FGF18: variants seen among roughly 807,000 people sequenced by gnomAD.
FGF18 encodes the protein fibroblast growth factor 18.
A neutral mutation model predicts 23.0 loss-of-function variants in FGF18; 5 were observed. That is an observed-to-expected ratio of 0.22 (90% CI 0.11 to 0.46). The LOEUF is 0.46. Ranked by LOEUF, FGF18 falls within the 20% of genes least tolerant of loss-of-function variation. The pLI is 0.99. For missense variants in FGF18, 180 were observed against 291.6 expected, an observed-to-expected ratio of 0.62 and a Z score of 2.79; for synonymous variants, 117 against 118.9, an observed-to-expected ratio of 0.98 and a Z score of 0.10.
intron 2 of FGF18, among the ~76,000 whole-genome samples, chr5:171,431,905 C>T (rs1005288133): frequency 6.6e-5 from 10 of 151,960 alleles, no homozygotes; most frequent in South Asian, 2.1e-4. Flanking sequence ...AAAAATTAGC[C>T]GGTGTGGTGG....
At position 171,450,022 on chromosome 5, in the gene FGF18, T is replaced by C. The variant is rs554499496; in HGVS notation, c.357+769T>C. Among the ~76,000 whole-genome samples the C allele has an allele frequency of 1.2e-4, 18 of 152,026 alleles. 1 individual carries two copies. The South Asian group carries it at 3.3e-3, about 28-fold the overall frequency. Reference sequence around the variant, plus strand: ...ACAGGAGCTCTATGGTAGGGTCAGGTTCTCTGTCCCCTTCTCTCTGCAGGG... The same window carrying C: ...ACAGGAGCTCTATGGTAGGGTCAGGCTCTCTGTCCCCTTCTCTCTGCAGGG... On this transcript the variant is annotated intron_variant, in intron 4 of 4. Transcript: ENST00000274625.
intron 4 of FGF18, among the ~76,000 whole-genome samples, chr5:171,453,042 C>T (rs925107861): frequency 6.6e-6 from 1 of 152,170 alleles, no homozygotes; most frequent in African/African-American, 2.4e-5. Flanking sequence ...TCAAATTCTG[C>T]TACATCATCA....
At chr5:171,423,577 C>T (rs973895243) in intron 2 of FGF18, among the ~76,000 whole-genome samples, 23 of 152,118 alleles carry the variant, frequency 1.5e-4, no homozygotes, top group Admixed American at 9.2e-4. Context: ...CCTCCTGCAG[C>T]GCCACTTCCT....
At chr5:171,446,396 A>C (rs1772420064) in intron 3 of FGF18, among the ~76,000 whole-genome samples, 1 of 152,156 alleles carries the variant, frequency 6.6e-6, no homozygotes, top group African/African-American at 2.4e-5. Flanking sequence ...CCCAGGCCCC[A>C]GTAGAAAGAG....
At chr5:171,446,785 G>A (rs1313747712) in intron 3 of FGF18, among the ~76,000 whole-genome samples, 1 of 152,100 alleles carries the variant, frequency 6.6e-6, no homozygotes, top group Non-Finnish European at 1.5e-5. Context: ...GCTTACTCAA[G>A]GTCACATAGC....
chr5:171,421,271 A>G (rs1450335650), intron 2 of FGF18, among the ~76,000 whole-genome samples: 1 of 152,174 alleles, frequency 6.6e-6, no homozygotes, highest in African/African-American at 2.4e-5. Context: ...AGAAGAGCGA[A>G]AAAGGGAGCC....
chr5:171,449,936 C>T (rs1000426171), intron 4 of FGF18, among the ~76,000 whole-genome samples: 1 of 152,060 alleles, frequency 6.6e-6, no homozygotes, highest in Non-Finnish European at 1.5e-5. Context: ...TTCCTGGGTG[C>T]GCTTGTTTGC....
Position 171,449,260 on chromosome 5 carries a change from G to A in FGF18, c.357+7G>A. ...AGGCAAGCTCGTGGGGAAGGTGAGT[G>A]ATGGTTTGGGATTCCCGGGAACTTC... On this transcript the variant is annotated splice_region_variant and intron_variant, in intron 4 of 4. Transcript: ENST00000274625. The A allele has an allele frequency of 6.2e-7, 1 of 1,606,196 alleles. No individual in the cohort carries two copies. Among genetic ancestry groups the A allele is most frequent in the Non-Finnish European group, 8.5e-7 (1 of 1,172,848 alleles).
At chr5:171,426,290 C>G (rs1581270035) in intron 2 of FGF18, among the ~76,000 whole-genome samples, 2 of 152,260 alleles carry the variant, frequency 1.3e-5, no homozygotes, top group East Asian at 3.9e-4. Flanking sequence ...AGGGCTGCTG[C>G]CTTGTCGTCA....
intron 2 of FGF18, among the ~76,000 whole-genome samples, chr5:171,431,385 C>T (rs1772179747): frequency 6.6e-6 from 1 of 152,056 alleles, no homozygotes; most frequent in Non-Finnish European, 1.5e-5. Context: ...AAGAGCTGCA[C>T]CGGGAGAGGA....
intron 3 of FGF18, among the ~76,000 whole-genome samples, chr5:171,443,031 T>C (rs1772367320): frequency 6.6e-6 from 1 of 152,268 alleles, no homozygotes; most frequent in African/African-American, 2.4e-5. Flanking sequence ...TTAACTGCTC[T>C]ATTAACTTAC....
intron 3 of FGF18, among the ~76,000 whole-genome samples, chr5:171,445,883 G>A (rs550898072): frequency 1.3e-5 from 2 of 152,234 alleles, no homozygotes; most frequent in African/African-American, 2.4e-5. Context: ...GCCTGAGCCC[G>A]GATGAGGTTT....
At chr5:171,421,191 G>A (rs1344000986) in intron 2 of FGF18, among the ~76,000 whole-genome samples, 1 of 152,114 alleles carries the variant, frequency 6.6e-6, no homozygotes, top group Non-Finnish European at 1.5e-5. Context: ...GTCTTGGCAC[G>A]CAGACAGTTG....
At chr5:171,424,688 G>C (rs1772065183) in intron 2 of FGF18, among the ~76,000 whole-genome samples, 1 of 152,184 alleles carries the variant, frequency 6.6e-6, no homozygotes, top group African/African-American at 2.4e-5. Flanking sequence ...GAGAGCCCAG[G>C]TAGGCGTCTC....
chr5:171,441,009 G>A (rs959806668), intron 3 of FGF18, among the ~76,000 whole-genome samples: 1 of 152,208 alleles, frequency 6.6e-6, no homozygotes, highest in Admixed American at 6.5e-5. Context: ...TTTAAATGTG[G>A]CTAGAAGGAT....
intron 4 of FGF18, among the ~76,000 whole-genome samples, chr5:171,455,206 C>G (rs1772564814): frequency 1.3e-5 from 2 of 152,164 alleles, no homozygotes; most frequent in Non-Finnish European, 2.9e-5. Context: ...ACCCAGGCTC[C>G]CAAGGGAGTT....
chr5:171,430,686 G>A (rs1353408787), intron 2 of FGF18, among the ~76,000 whole-genome samples: 2 of 148,482 alleles, frequency 1.3e-5, no homozygotes, highest in Non-Finnish European at 3.0e-5. Context: ...TACTCGGGAG[G>A]CTGAGGCAGG....
chr5:171,449,924 G>A (rs1772473837), intron 4 of FGF18, among the ~76,000 whole-genome samples: 1 of 152,094 alleles, frequency 6.6e-6, no homozygotes, highest in African/African-American at 2.4e-5. Flanking sequence ...ACCCCTGTTC[G>A]TTTCCTGGGT....
At chr5:171,439,799 T>C (rs952366693) in intron 3 of FGF18, among the ~76,000 whole-genome samples, 34 of 151,430 alleles carry the variant, frequency 2.2e-4, no homozygotes, top group Non-Finnish European at 1.0e-4. Context: ...CATCGGGGGG[T>C]TTCCGGGGCA....
Sources: gnomAD v4.1 joint callset for allele counts (sites outside exome capture counted in the v4.1 genomes callset) on GRCh38, gnomAD v4.1.1 for gene constraint, MANE v1.5 for transcripts, NCBI Gene and HGNC (gene_info 2026-07-23, HGNC 2026-07-21) for gene names.